The following PDE7B variants were observed in gnomAD, a reference collection of about 807,000 sequenced individuals.
The protein encoded by PDE7B is phosphodiesterase 7B.
In PDE7B, 29 loss-of-function variants were observed where a neutral mutation model predicts 56.2. The observed-to-expected ratio is 0.52, with a 90% CI of 0.38 to 0.70. The LOEUF is 0.70. PDE7B is among the 30% of genes least tolerant of loss of function. The pLI is 0.00. For missense variants in PDE7B, 490 were observed against 565.0 expected, an observed-to-expected ratio of 0.87 and a Z score of 1.35; for synonymous variants, 197 against 196.9, an observed-to-expected ratio of 1.00 and a Z score of 0.00.
At chr6:135,930,294 G>A (rs533037875) in intron 1 of PDE7B, among the ~76,000 whole-genome samples, 1 of 152,258 alleles carries the variant, frequency 6.6e-6, no homozygotes, top group East Asian at 1.9e-4. Flanking sequence ...CCATGATTCA[G>A]TTATCTCCCA....
At chr6:135,947,016 A>G (rs1774606198) in intron 1 of PDE7B, among the ~76,000 whole-genome samples, 1 of 152,122 alleles carries the variant, frequency 6.6e-6, no homozygotes, top group African/African-American at 2.4e-5. Flanking sequence ...TTCCAAGTTC[A>G]GAGAGATAAA....
intron 8 of PDE7B, among the ~76,000 whole-genome samples, chr6:136,164,036 G>T (rs1778752806): frequency 6.6e-6 from 1 of 152,076 alleles, no homozygotes; most frequent in Non-Finnish European, 1.5e-5. Context: ...ACATTTTCAG[G>T]TATCTGTATG....
chr6:136,154,600 G>A (rs148568918), intron 7 of PDE7B, among the ~76,000 whole-genome samples: 1 of 152,296 alleles, frequency 6.6e-6, no homozygotes, highest in East Asian at 1.9e-4. Flanking sequence ...CCTCAAGTCT[G>A]ATGTTCTATT....
In PDE7B at chr6:135,916,867, AT is replaced by A. The variant is rs1462852838; in HGVS notation, c.22-30592del. 5.3e-5 allele frequency among the ~76,000 whole-genome samples: 8 copies of A among 151,926 alleles called. No individual in the cohort carries two copies. The South Asian group carries it at 8.3e-4, about 16-fold the overall frequency. Reference sequence around the variant, plus strand: ...AATATATCTTCATGGTTTATAATATATTTTTAATATAATTTATAATACATAT... The same window carrying A: ...AATATATCTTCATGGTTTATAATATATTTTAATATAATTTATAATACATAT... On this transcript the variant is annotated intron_variant, in intron 1 of 12. Coordinates refer to ENST00000308191, the MANE Select transcript of PDE7B (RefSeq NM_018945.4).
intron 3 of PDE7B, among the ~76,000 whole-genome samples, chr6:136,137,495 G>C (rs955912955): frequency 6.6e-6 from 1 of 152,048 alleles, no homozygotes; most frequent in Non-Finnish European, 1.5e-5. Flanking sequence ...AAACACAAAG[G>C]CTTTCTTTGT....
chr6:135,990,097 T>TG (rs1246154740), intron 2 of PDE7B, among the ~76,000 whole-genome samples: 2 of 136,536 alleles, frequency 1.5e-5, no homozygotes, highest in East Asian at 2.4e-4. Flanking sequence ...GGGGTTTTTT[T>TG]GTTTTTTTTT....
intron 2 of PDE7B, among the ~76,000 whole-genome samples, chr6:136,097,169 T>C (rs1002223298): frequency 6.6e-6 from 1 of 152,210 alleles, no homozygotes; most frequent in Non-Finnish European, 1.5e-5. Context: ...TGATGACCCA[T>C]AGTTTTATTT....
intron 3 of PDE7B, 63 bp from the exon 4 acceptor site, chr6:136,147,288 A>T: frequency 9.3e-7 from 1 of 1,077,856 alleles, no homozygotes; most frequent in East Asian, 2.4e-5. Flanking sequence ...TTATTTTTAC[A>T]GAGTGGAGAA....
At chr6:136,008,923 T>G (rs1480502690) in intron 2 of PDE7B, among the ~76,000 whole-genome samples, 1 of 152,256 alleles carries the variant, frequency 6.6e-6, no homozygotes, top group Non-Finnish European at 1.5e-5. Flanking sequence ...CCTATGCCCT[T>G]AATGGTATTG....
intron 8 of PDE7B, among the ~76,000 whole-genome samples, chr6:136,172,991 A>G (rs1450684039): frequency 2.0e-5 from 3 of 152,064 alleles, no homozygotes; most frequent in East Asian, 1.9e-4. Context: ...CCACTGCTCA[A>G]TGAAATAAAA....
chr6:136,150,904 ATTCT>A (rs1187451878), intron 5 of PDE7B, among the ~76,000 whole-genome samples: 2 of 152,056 alleles, frequency 1.3e-5, no homozygotes, highest in East Asian at 1.9e-4. Context: ...CAGTAGGCAG[ATTCT>A]TTCTAACTCT....
At position 136,139,465 on chromosome 6, in the gene PDE7B, A is replaced by G. The variant is rs921812114; in HGVS notation, c.167-7886A>G. On this transcript the variant is annotated intron_variant, in intron 3 of 12. Coordinates refer to ENST00000308191, the MANE Select transcript of PDE7B (RefSeq NM_018945.4). Reference sequence around the variant, plus strand: ...GTGTCTTTAGAGCAGCATGATTTATAATCCTTTGGGTATATACCCGGTAAT... The same window carrying G: ...GTGTCTTTAGAGCAGCATGATTTATGATCCTTTGGGTATATACCCGGTAAT... Among the ~76,000 whole-genome samples the G allele has an allele frequency of 3.3e-5, 5 of 152,296 alleles. No homozygotes were observed. In the South Asian group the frequency reaches 1.0e-3, roughly 32 times the overall value.
intron 11 of PDE7B, among the ~76,000 whole-genome samples, chr6:136,184,954 T>C (rs1271733091): frequency 1.3e-5 from 2 of 151,980 alleles, no homozygotes; most frequent in South Asian, 2.1e-4. Context: ...TCAGATGAGA[T>C]GGAGGGTGAA....
chr6:136,081,470 G>T (rs1244555935), intron 2 of PDE7B, among the ~76,000 whole-genome samples: 1 of 152,196 alleles, frequency 6.6e-6, no homozygotes, highest in East Asian at 1.9e-4. Context: ...GGGGGATGGT[G>T]GTTATTAACA....
intron 2 of PDE7B, among the ~76,000 whole-genome samples, chr6:135,952,381 C>T (rs1774717430): frequency 3.3e-5 from 5 of 152,038 alleles, no homozygotes; most frequent in Non-Finnish European, 1.5e-5. Context: ...ATGGTGCCTC[C>T]AGGGTAGAAC....
At chr6:136,069,337 A>C (rs1369974281) in intron 2 of PDE7B, among the ~76,000 whole-genome samples, 1 of 152,228 alleles carries the variant, frequency 6.6e-6, no homozygotes, top group Non-Finnish European at 1.5e-5. Context: ...TAAACCATTC[A>C]CAAGCACGTG....
At position 136,193,673 on chromosome 6, in the gene PDE7B, C is replaced by T. The variant is rs1779266080; in HGVS notation, c.*1833C>T. ...CTGTTTCTGCCACTATCAACCTGAT[C>T]CTCATGCTGATAGAATGACAGCTAG... is the stretch of plus-strand genomic sequence containing the variant. On this transcript the variant is annotated 3_prime_UTR_variant, in exon 13 of 13. Transcript: ENST00000308191. 6.6e-6 allele frequency: 1 copy of T among 152,222 alleles called. No individual in the cohort carries two copies. 9.4% of individuals were successfully genotyped at this position (152,222 alleles called of 1,614,324 possible).
chr6:135,952,481 G>T lies in PDE7B; in HGVS notation c.82+4957G>T, dbSNP rs1052446257. The stretch of plus-strand genomic sequence containing the variant: ...CATTGAGAATCCAAAGACCAGTGGG[G>T]CATAGAGTCTGCCCTTAGAGGGTTT... On this transcript the variant is annotated intron_variant, in intron 2 of 12. Transcript: ENST00000308191. 1.6e-4 allele frequency among the ~76,000 whole-genome samples: 25 copies of T among 152,128 alleles called. 1 individual carries two copies. The highest frequency in any genetic ancestry group is 5.8e-4 in the African/African-American group (24 of 41,434).
intron 1 of PDE7B, among the ~76,000 whole-genome samples, chr6:135,900,949 T>C (rs888596867): frequency 3.3e-5 from 5 of 152,220 alleles, no homozygotes; most frequent in African/African-American, 1.2e-4. Context: ...CTTTGATCCA[T>C]AAATTTGAAT....
Sources: gnomAD v4.1 joint callset for allele counts (sites outside exome capture counted in the v4.1 genomes callset) on GRCh38, gnomAD v4.1.1 for gene constraint, MANE v1.5 for transcripts, NCBI Gene and HGNC (gene_info 2026-07-23, HGNC 2026-07-21) for gene names.